Variants in KMT5A observed in about 807,000 individuals in gnomAD.
KMT5A encodes the protein lysine methyltransferase 5A.
KMT5A carries 6 observed loss-of-function variants against 40.6 expected under a neutral mutation model. The observed-to-expected ratio is 0.15, with a 90% CI of 0.08 to 0.29. The LOEUF (loss-of-function observed/expected upper bound fraction) is 0.29, where lower values mean the gene tolerates loss of function less well. Among genes scored for constraint, KMT5A ranks in the 10% least tolerant of loss-of-function variants. The pLI, the probability that KMT5A is intolerant of heterozygous loss-of-function variation, is 1.00. For synonymous variants in KMT5A, 153 were observed against 178.8 expected (o/e 0.86, Z 1.15); for missense variants, 308 against 459.1 (o/e 0.67, Z 3.01).
In KMT5A at chr12:123,403,614, G is replaced by C; in HGVS notation, c.639G>C (p.Gly213=). Residue 213 remains glycine, a synonymous_variant, in exon 6 of 8, where the codon GGG becomes GGC. Coordinates refer to ENST00000402868, the MANE Select transcript of KMT5A (RefSeq NM_020382.7). ...RKRIDELIES[G]KEEGMKIDLI... Reference sequence around the variant, plus strand: ...GAATAGATGAATTGATTGAAAGTGGGAAGGAAGAAGGAATGAAGGTAAGGG... The same window carrying C: ...GAATAGATGAATTGATTGAAAGTGGCAAGGAAGAAGGAATGAAGGTAAGGG... The C allele has an allele frequency of 6.2e-7, 1 of 1,614,232 alleles. No homozygotes were observed. Among genetic ancestry groups the C allele is most frequent in the African/African-American group, 1.3e-5 (1 of 75,078 alleles).
chr12:123,403,435 A>G lies in KMT5A; in HGVS notation c.598-138A>G, dbSNP rs186868642. On this transcript the variant is annotated intron_variant, in intron 5 of 7. Coordinates refer to ENST00000402868, the MANE Select transcript of KMT5A (RefSeq NM_020382.7). ...GGGGCTTTGCCATCACTGGGGACCC[A>G]TCATCCCCAGTGATGCCAAATGAGG... 77 of 792,778 alleles carry G rather than the reference A, an allele frequency of 9.7e-5. No individual in the cohort carries two copies. The African/African-American group carries it at 1.1e-3, about 12-fold the overall frequency. 49.1% of individuals were successfully genotyped at this position (792,778 alleles called of 1,614,324 possible). A position where few individuals can be genotyped will look rare whatever the true frequency, so the allele number is the denominator to read the frequency against.
At chr12:123,403,703 G>A in intron 6 of KMT5A, 71 bp downstream of exon 6, 1 of 1,577,292 alleles carries the variant, frequency 6.3e-7, no homozygotes, top group Non-Finnish European at 8.7e-7. Flanking sequence ...TCCCGTGGCT[G>A]AGAGTGGCCA....
intron 5 of KMT5A, among the ~76,000 whole-genome samples, chr12:123,398,398 C>T (rs556836296): frequency 6.6e-6 from 1 of 152,214 alleles, no homozygotes; most frequent in African/African-American, 2.4e-5. Context: ...CTCTGCTGAG[C>T]GTCCACCAAG....
chr12:123,404,067 C>T (rs1017396963), intron 6 of KMT5A, among the ~76,000 whole-genome samples: 8 of 152,198 alleles, frequency 5.3e-5, no homozygotes, highest in East Asian at 1.9e-4. Context: ...TGGAGTTGCT[C>T]TTCTGGGCAC....
At chr12:123,390,287 C>A in intron 2 of KMT5A, 1 of 386,018 alleles carries the variant, frequency 2.6e-6, no homozygotes, top group Non-Finnish European at 5.0e-6. Context: ...GCAGTGAACT[C>A]CTAAAGATAG....
chr12:123,385,801 G>T (rs566620591), intron 1 of KMT5A, among the ~76,000 whole-genome samples: 1 of 152,052 alleles, frequency 6.6e-6, no homozygotes, highest in African/African-American at 2.4e-5. Flanking sequence ...GCAGTGAGCC[G>T]AGATTACGTC....
chr12:123,402,951 C>T (rs1329276098), intron 5 of KMT5A, among the ~76,000 whole-genome samples: 1 of 152,214 alleles, frequency 6.6e-6, no homozygotes. Flanking sequence ...CTGTGTCGCC[C>T]AGGCTGGAGT....
At chr12:123,392,780 C>T (rs1240163799) in intron 3 of KMT5A, among the ~76,000 whole-genome samples, 1 of 152,178 alleles carries the variant, frequency 6.6e-6, no homozygotes, top group Non-Finnish European at 1.5e-5. Context: ...TCACGGGCAC[C>T]ACACACTCCT....
chr12:123,395,240 C>G lies in KMT5A; in HGVS notation c.483C>G (p.Ile161Met), dbSNP rs567542063. ...CCAAGCAAGCCCTGAAAAAGCCCAT[C>G]AAGGGCAAACAGGCCCCCCGAAAAA... ...AIAKQALKKP[I>M]KGKQAPRKKA... The change falls in exon 4 of 8, where the codon ATC (isoleucine) becomes ATG (methionine). Residue 161 changes from isoleucine to methionine, a missense_variant. Around this residue, in one of 4 missense-constraint regions of KMT5A, gnomAD observed 127 missense variants for 129.8 expected, o/e 0.98. Coordinates refer to ENST00000402868, the MANE Select transcript of KMT5A (RefSeq NM_020382.7). 7 of 1,613,424 alleles carry G rather than the reference C, an allele frequency of 4.3e-6. No individual in the cohort carries two copies. The South Asian group carries it at 7.7e-5, about 18-fold the overall frequency.
chr12:123,386,968 T>G (rs1336264992), intron 1 of KMT5A, among the ~76,000 whole-genome samples: 1 of 152,096 alleles, frequency 6.6e-6, no homozygotes, highest in African/African-American at 2.4e-5. Flanking sequence ...GTGACTCTCC[T>G]GCCTCAGCCT....
intron 1 of KMT5A, among the ~76,000 whole-genome samples, chr12:123,386,776 T>G (rs1213607680): frequency 2.0e-5 from 3 of 152,210 alleles, no homozygotes; most frequent in Non-Finnish European, 4.4e-5. Context: ...GAATGGTCTC[T>G]TGGTTGGTTG....
chr12:123,398,633 A>G (rs1877923892), intron 5 of KMT5A, among the ~76,000 whole-genome samples: 1 of 152,134 alleles, frequency 6.6e-6, no homozygotes, highest in South Asian at 2.1e-4. Context: ...TTTGCCCCCC[A>G]CTGTTTGTGT....
At position 123,390,756 on chromosome 12, in the gene KMT5A, C is replaced by A. The variant is rs748231748; in HGVS notation, c.259C>A (p.Pro87Thr). The A allele has an allele frequency of 6.2e-7, 1 of 1,613,904 alleles. No individual in the cohort carries two copies. The highest frequency in any genetic ancestry group is 8.5e-7 in the Non-Finnish European group (1 of 1,179,844). The change falls in exon 3 of 8, where the codon CCA (proline) becomes ACA (threonine). Residue 87 changes from proline to threonine, a missense_variant. Physicochemically the swap from Pro to Thr is conservative, Grantham distance 38. Around this residue, in one of 4 missense-constraint regions of KMT5A, gnomAD observed 127 missense variants for 129.8 expected, o/e 0.98. Coordinates refer to ENST00000402868, the MANE Select transcript of KMT5A (RefSeq NM_020382.7). ...TCACGAAGTCAAATGCCAGGGGAAA[C>A]CATTAGCCGGAATCTACAGGAAACG... Reference protein sequence around the residue: ...THHEVKCQGKPLAGIYRKREE... With the variant: ...THHEVKCQGKTLAGIYRKREE...
intron 6 of KMT5A, among the ~76,000 whole-genome samples, chr12:123,404,232 G>A (rs868323216): frequency 2.6e-5 from 4 of 152,186 alleles, no homozygotes; most frequent in African/African-American, 4.8e-5. Context: ...CAGTTTGGGC[G>A]AGAGGAGAAG....
At chr12:123,400,955 C>T (rs900454509) in intron 5 of KMT5A, among the ~76,000 whole-genome samples, 1 of 151,614 alleles carries the variant, frequency 6.6e-6, no homozygotes, top group Non-Finnish European at 1.5e-5. Context: ...CCACTATGCC[C>T]GGCTGATTTT....
chr12:123,390,500 G>A, intron 2 of KMT5A, 130 bp from the exon 3 acceptor site: 3 of 1,113,736 alleles, frequency 2.7e-6, no homozygotes, highest in South Asian at 1.5e-5. Context: ...ATGGGGGCTG[G>A]CATCCCCTGG....
intron 5 of KMT5A, among the ~76,000 whole-genome samples, chr12:123,398,162 A>C (rs1297576886): frequency 6.6e-6 from 1 of 151,958 alleles, no homozygotes; most frequent in East Asian, 2.0e-4. Flanking sequence ...GGTGCCTGTA[A>C]TCCCAGCTAC....
intron 1 of KMT5A, chr12:123,388,498 C>T (rs935765272): frequency 1.3e-5 from 2 of 152,258 alleles, no homozygotes; most frequent in African/African-American, 2.4e-5. Context: ...CCCATCACTT[C>T]CTAGTTCTGT....
chr12:123,405,283 C>G (rs1878452308), intron 7 of KMT5A, among the ~76,000 whole-genome samples: 1 of 149,920 alleles, frequency 6.7e-6, no homozygotes, highest in African/African-American at 2.5e-5. Flanking sequence ...AACCTCCTCT[C>G]AGGCTCAAAG....
Sources: gnomAD v4.1 joint callset for allele counts (sites outside exome capture counted in the v4.1 genomes callset) on GRCh38, gnomAD v4.1.1 for gene constraint, gnomAD v4.1.1 regional missense constraint, MANE v1.5 for transcripts, NCBI Gene and HGNC (gene_info 2026-07-23, HGNC 2026-07-21) for gene names.